The following TUBA1C variants were observed in gnomAD, a reference collection of about 807,000 sequenced individuals.
The protein encoded by TUBA1C is tubulin alpha-1C chain.
TUBA1C carries 16 observed loss-of-function variants against 34.9 expected under a neutral mutation model. The ratio of observed to expected loss-of-function variants is 0.46; its 90% CI spans 0.31 to 0.70. The LOEUF is 0.70. TUBA1C is among the 30% of genes least tolerant of loss of function. TUBA1C has a pLI of 0.05. For synonymous variants in TUBA1C, 177 were observed against 215.9 expected, an observed-to-expected ratio of 0.82 and a Z score of 1.58; for missense variants, 329 against 587.3, an observed-to-expected ratio of 0.56 and a Z score of 4.55.
At chr12:49,250,186 G>A (rs1942718636) in intron 1 of TUBA1C, among the ~76,000 whole-genome samples, 1 of 151,776 alleles carries the variant, frequency 6.6e-6, no homozygotes, top group Admixed American at 6.6e-5. Context: ...GCGACAGAGT[G>A]AGACTCCATC....
intron 3 of TUBA1C, among the ~76,000 whole-genome samples, chr12:49,271,741 G>A (rs1488305873): frequency 1.3e-5 from 2 of 152,150 alleles, no homozygotes; most frequent in Admixed American, 6.6e-5. Flanking sequence ...GTGGTCCTGG[G>A]CCTGCCCCTT....
chr12:49,264,593 G>C (rs935539760), upstream of TUBA1C: 4 of 152,046 alleles, frequency 2.6e-5, no homozygotes, highest in African/African-American at 7.2e-5. Flanking sequence ...CGCGGGGACC[G>C]GGGGCGAGGC....
At chr12:49,251,423 C>T (rs1043621266) in intron 1 of TUBA1C, among the ~76,000 whole-genome samples, 2 of 152,146 alleles carry the variant, frequency 1.3e-5, no homozygotes, top group African/African-American at 2.4e-5. Flanking sequence ...AAGTATATAT[C>T]GATATCCTTA....
intron 1 of TUBA1C, among the ~76,000 whole-genome samples, chr12:49,245,862 A>G (rs545215474): frequency 9.2e-5 from 14 of 152,280 alleles, no homozygotes; most frequent in African/African-American, 2.9e-4. Flanking sequence ...ACTTCTACAC[A>G]TTTACAGCAG....
intron 1 of TUBA1C, among the ~76,000 whole-genome samples, chr12:49,228,499 G>T (rs547393755): frequency 6.6e-6 from 1 of 152,126 alleles, no homozygotes; most frequent in African/African-American, 2.4e-5. Flanking sequence ...TCAAAAGTGG[G>T]TTGCACAGGG....
At chr12:49,232,707 T>C (rs10735819) in intron 1 of TUBA1C, 68,214 of 152,030 alleles carry the variant, frequency 0.45, 17,299 homozygotes, top group East Asian at 0.85. Context: ...TAACTTATAC[T>C]TCTGTGAAGA....
chr12:49,266,439 A>C (rs955449479), intron 1 of TUBA1C, among the ~76,000 whole-genome samples: 1 of 151,824 alleles, frequency 6.6e-6, no homozygotes, highest in Non-Finnish European at 1.5e-5. Flanking sequence ...AAAAACAAAA[A>C]AAAACCCGCA....
chr12:49,236,001 G>T (rs1942551520), intron 1 of TUBA1C, among the ~76,000 whole-genome samples: 1 of 152,194 alleles, frequency 6.6e-6, no homozygotes, highest in South Asian at 2.1e-4. Flanking sequence ...TGCTTATTCT[G>T]AATGCTTCTG....
chr12:49,239,435 G>A (rs2136991849), intron 1 of TUBA1C, among the ~76,000 whole-genome samples: 1 of 152,248 alleles, frequency 6.6e-6, no homozygotes. Context: ...GAGGTCAGCA[G>A]TTTGAGACCA....
chr12:49,229,825 C>G lies in TUBA1C; in HGVS notation c.213+1659C>G, dbSNP rs542125787. On this transcript the variant is annotated intron_variant, in intron 1 of 3. Transcript: ENST00000541364. ...TTTTATTTTTTGAGATGGAGTCTTG[C>G]TCTGTCGCCCAGGCTGCAATGGCAC... Among the ~76,000 whole-genome samples the G allele has an allele frequency of 2.0e-5, 3 of 151,884 alleles. No homozygotes were observed. The South Asian group carries it at 6.2e-4, about 32-fold the overall frequency.
intron 3 of TUBA1C, among the ~76,000 whole-genome samples, chr12:49,270,709 A>G (rs889351949): frequency 6.6e-5 from 10 of 152,206 alleles, no homozygotes; most frequent in African/African-American, 2.4e-4. Context: ...TAGGCTGGGC[A>G]CGGTGGCTGA....
At chr12:49,229,578 A>G (rs1461957382) in intron 1 of TUBA1C, among the ~76,000 whole-genome samples, 4 of 152,172 alleles carry the variant, frequency 2.6e-5, no homozygotes, top group Non-Finnish European at 4.4e-5. Flanking sequence ...GTCTGCCGGT[A>G]CTGCTCACTT....
intron 1 of TUBA1C, among the ~76,000 whole-genome samples, chr12:49,238,852 G>A (rs932631620): frequency 6.6e-6 from 1 of 152,052 alleles, no homozygotes; most frequent in Non-Finnish European, 1.5e-5. Context: ...GGCACCAAGC[G>A]TCCACGCCGT....
intron 1 of TUBA1C, among the ~76,000 whole-genome samples, chr12:49,243,915 C>G (rs1173373098): frequency 6.6e-6 from 1 of 151,968 alleles, no homozygotes; most frequent in African/African-American, 2.4e-5. Context: ...TTTGGGAGAC[C>G]AAGGTGGGAG....
intron 1 of TUBA1C, among the ~76,000 whole-genome samples, chr12:49,244,234 T>C (rs1329727604): frequency 6.6e-6 from 1 of 151,970 alleles, no homozygotes; most frequent in East Asian, 1.9e-4. Flanking sequence ...AGGCCCTAAA[T>C]GGGGCTCTAA....
intron 1 of TUBA1C, among the ~76,000 whole-genome samples, chr12:49,256,118 C>T (rs1416147282): frequency 4.6e-5 from 7 of 152,164 alleles, no homozygotes; most frequent in Non-Finnish European, 7.3e-5. Context: ...AACAAACAAA[C>T]GAACAACACT....
In TUBA1C at chr12:49,272,537, G is replaced by C. The variant is rs1468784263; in HGVS notation, c.660G>C (p.Glu220Asp). The change falls in exon 4 of 4, where the codon GAG becomes GAC. Residue 220 changes from glutamate (E) to aspartate (D), a missense_variant. By Grantham distance (45) the Glu-to-Asp change is conservative. Transcript: ENST00000301072. ...YDICRRNLDIERPTYTNLNRL... is the reference protein window; with the variant it reads ...YDICRRNLDIDRPTYTNLNRL... The stretch of plus-strand genomic sequence containing the variant: ...TCTGTCGTAGAAACCTCGATATCGA[G>C]CGCCCAACCTACACTAACCTTAACC... 8.1e-6 allele frequency: 13 copies of C among 1,608,552 alleles called. No homozygotes were observed. In the Middle Eastern group the frequency reaches 8.4e-4, roughly 105 times the overall value.
At position 49,242,261 on chromosome 12, in the gene TUBA1C, G is replaced by A. The variant is rs193172163; in HGVS notation, c.213+14095G>A. 3.1e-3 allele frequency among the ~76,000 whole-genome samples: 472 copies of A among 152,182 alleles called. 1 individual carries two copies. The highest frequency in any genetic ancestry group is 6.8e-3 in the Middle Eastern group (2 of 294). On this transcript the variant is annotated intron_variant, in intron 1 of 3. Transcript: ENST00000541364. ...CTGTCTTGGCCTCCCAAAGTTCTGG[G>A]ATTACAGGTGTGAGCCACTGCACCC...
chr12:49,244,171 A>C (rs947349473), intron 1 of TUBA1C, among the ~76,000 whole-genome samples: 1 of 151,958 alleles, frequency 6.6e-6, no homozygotes, highest in Non-Finnish European at 1.5e-5. Context: ...AAAAAGAAAA[A>C]AAAATCTGCT....
Sources: gnomAD v4.1 joint callset for allele counts (sites outside exome capture counted in the v4.1 genomes callset) on GRCh38, gnomAD v4.1.1 for gene constraint, MANE v1.5 for transcripts, NCBI Gene and HGNC (gene_info 2026-07-23, HGNC 2026-07-21) for gene names.